Variants in SLC35F3 observed in about 807,000 individuals in gnomAD.
SLC35F3 encodes the protein putative thiamine transporter SLC35F3.
Under a neutral mutation model 49.9 loss-of-function variants are expected in SLC35F3, and 25 were observed. That is an observed-to-expected ratio of 0.50 (90% CI 0.37 to 0.70). The LOEUF is 0.70. Among genes scored for constraint, SLC35F3 ranks in the 30% least tolerant of loss-of-function variants. The pLI is 0.00. For missense variants in SLC35F3, 525 were observed against 639.8 expected (o/e 0.82, Z 1.94); for synonymous variants, 275 against 265.4 (o/e 1.04, Z -0.35).
intron 2 of SLC35F3, among the ~76,000 whole-genome samples, chr1:234,037,623 A>G (rs963087318): frequency 1.3e-5 from 2 of 152,252 alleles, no homozygotes; most frequent in Non-Finnish European, 2.9e-5. Context: ...TCAGGTAGGT[A>G]TGGAAGAAAA....
Position 234,214,087 on chromosome 1 carries a change from G to A in SLC35F3, c.284-17330G>A, listed in dbSNP as rs913255493. ...TAAAGGGCTTCTCAGAGAGGTGGTG[G>A]CCAGAGGCTGCAGTCAGGACCTGGC... On this transcript the variant is annotated intron_variant, in intron 2 of 7. Transcript: ENST00000366618. The surrounding 1 kb of genome is among the most constrained non-coding windows in gnomAD (Gnocchi z 8.0). 2 of 780,968 alleles carry A rather than the reference G, an allele frequency of 2.6e-6. No homozygotes were observed. Among genetic ancestry groups the A allele is most frequent in the Non-Finnish European group, 3.1e-6 (2 of 637,500 alleles). 48.4% of individuals were successfully genotyped at this position (780,968 alleles called of 1,614,324 possible).
At chr1:234,139,979 TAA>T (rs1259718345) in intron 2 of SLC35F3, among the ~76,000 whole-genome samples, 1 of 133,496 alleles carries the variant, frequency 7.5e-6, no homozygotes. Context: ...TAAAATAAAA[TAA>T]AATAAAATAA....
At position 234,066,830 on chromosome 1, in the gene SLC35F3, CCACACACACACACACA is replaced by C. The variant is rs61401819; in HGVS notation, c.283+161103_283+161118del. Among the ~76,000 whole-genome samples the C allele has an allele frequency of 1.4e-3, 184 of 135,204 alleles. 1 individual carries two copies. Among genetic ancestry groups the C allele is most frequent in the Non-Finnish European group, 2.0e-3 (128 of 63,800 alleles). 88.7% of individuals were successfully genotyped at this position (135,204 alleles called of 152,430 possible). ...CTCTCTGTCTCTGTCCCTCTCTCTC[CCACACACACACACACA>C]CACACACACACACACACACACACAC... On this transcript the variant is annotated intron_variant, in intron 2 of 7. Coordinates refer to ENST00000366618, the MANE Select transcript of SLC35F3 (RefSeq NM_173508.4).
chr1:234,074,524 A>G (rs557008085), intron 2 of SLC35F3, among the ~76,000 whole-genome samples: 1 of 152,384 alleles, frequency 6.6e-6, no homozygotes, highest in East Asian at 1.9e-4. Flanking sequence ...GTAGGTGGAA[A>G]GATGAAGTGG....
chr1:234,099,010 G>A (rs376137608), intron 2 of SLC35F3, among the ~76,000 whole-genome samples: 1 of 152,106 alleles, frequency 6.6e-6, no homozygotes, highest in Non-Finnish European at 1.5e-5. Context: ...TGCAGATGGT[G>A]GTGGTAGTGA....
chr1:234,049,339 GCTCT>G (rs948078314), intron 2 of SLC35F3, among the ~76,000 whole-genome samples: 17 of 151,838 alleles, frequency 1.1e-4, no homozygotes, highest in African/African-American at 3.9e-4. Flanking sequence ...GCTCACTCTT[GCTCT>G]CTCTCTATCT....
intron 3 of SLC35F3, among the ~76,000 whole-genome samples, chr1:234,243,559 C>T (rs1667587768): frequency 6.6e-6 from 1 of 152,170 alleles, no homozygotes; most frequent in African/African-American, 2.4e-5. Context: ...CACATGTAAA[C>T]GTGCATTTTG....
rs184100813 is a variant in SLC35F3, at chr1:234,285,557, T to G, written c.609-23544T>G. 86 of 312,394 alleles carry G rather than the reference T, an allele frequency of 2.8e-4. 1 individual carries two copies. Among genetic ancestry groups the G allele is most frequent in the African/African-American group, 1.8e-3 (81 of 44,996 alleles). The allele number at this position is 312,394 out of a possible 1,614,324, so 19.4% of individuals were successfully genotyped here. Reference sequence around the variant, plus strand: ...AGGCTGATGAATATGATCTAAGAGTTGTCCAGCTACAGACACAGATGCCAG... The same window carrying G: ...AGGCTGATGAATATGATCTAAGAGTGGTCCAGCTACAGACACAGATGCCAG... On this transcript the variant is annotated intron_variant, in intron 3 of 7. Coordinates refer to ENST00000366618, the MANE Select transcript of SLC35F3 (RefSeq NM_173508.4).
rs1558231478 is a variant in SLC35F3, at chr1:234,108,421, T to TGA, written c.284-122996_284-122995insGA. Among the ~76,000 whole-genome samples, 8 of 96,968 alleles carry TGA rather than the reference T, an allele frequency of 8.3e-5. No individual in the cohort carries two copies. The East Asian group carries it at 2.7e-3, about 32-fold the overall frequency. The allele number at this position is 96,968 out of a possible 152,430, so 63.6% of individuals were successfully genotyped here. ...TATTTATATATATGATATATATTAT[T>TGA]TATATATAAAAGATATATATAAAAG... On this transcript the variant is annotated intron_variant, in intron 2 of 7. Coordinates refer to ENST00000366618, the MANE Select transcript of SLC35F3 (RefSeq NM_173508.4).
At position 234,260,320 on chromosome 1, in the gene SLC35F3, C is replaced by T. The variant is rs188507496; in HGVS notation, c.608+28579C>T. ...ATGGACCCAAAAGCAAAAATATGCC[C>T]TTCTCTTCTACTTCATTATGTTCTC... On this transcript the variant is annotated intron_variant, in intron 3 of 7. Coordinates refer to ENST00000366618, the MANE Select transcript of SLC35F3 (RefSeq NM_173508.4). Among the ~76,000 whole-genome samples the T allele has an allele frequency of 8.5e-5, 13 of 152,222 alleles. No homozygotes were observed. In the East Asian group the frequency reaches 2.3e-3, roughly 27 times the overall value.
chr1:234,074,578 C>T (rs1436990306), intron 2 of SLC35F3, among the ~76,000 whole-genome samples: 5 of 152,112 alleles, frequency 3.3e-5, no homozygotes, highest in Non-Finnish European at 5.9e-5. Context: ...CCCCAGGGGG[C>T]CCAGTCAGAA....
intron 2 of SLC35F3, among the ~76,000 whole-genome samples, chr1:233,978,249 G>A (rs779099818): frequency 7.9e-5 from 12 of 152,168 alleles, no homozygotes; most frequent in Admixed American, 2.6e-4. Context: ...CCAGCACACC[G>A]CGCTGTTTTT....
chr1:234,284,706 C>G (rs1473488688), intron 3 of SLC35F3, among the ~76,000 whole-genome samples: 1 of 152,146 alleles, frequency 6.6e-6, no homozygotes, highest in Non-Finnish European at 1.5e-5. Context: ...AATGCCTGGC[C>G]CTTCCAAATG....
At chr1:234,188,388 T>A (rs1666679546) in intron 2 of SLC35F3, among the ~76,000 whole-genome samples, 1 of 152,166 alleles carries the variant, frequency 6.6e-6, no homozygotes, top group African/African-American at 2.4e-5. Flanking sequence ...ACTGGCCTTT[T>A]GGGTTGTGCG....
intron 2 of SLC35F3, among the ~76,000 whole-genome samples, chr1:234,075,440 ATG>A (rs1229296859): frequency 6.6e-6 from 1 of 152,224 alleles, no homozygotes; most frequent in East Asian, 1.9e-4. Context: ...GCAAAGAAAC[ATG>A]TCTTTAGTGC....
intron 2 of SLC35F3, among the ~76,000 whole-genome samples, chr1:234,100,702 T>C (rs996992629): frequency 6.6e-6 from 1 of 152,196 alleles, no homozygotes; most frequent in Non-Finnish European, 1.5e-5. Context: ...CTAAAAGGAA[T>C]AGAGGGACAG....
intron 2 of SLC35F3, among the ~76,000 whole-genome samples, chr1:233,950,539 C>A (rs1314861538): frequency 1.4e-5 from 2 of 147,418 alleles, no homozygotes; most frequent in Admixed American, 6.8e-5. Context: ...TCCTTCCTTC[C>A]CTCCTTCACT....
intron 3 of SLC35F3, among the ~76,000 whole-genome samples, chr1:234,261,547 CTT>C (rs1667905577): frequency 6.6e-6 from 1 of 152,168 alleles, no homozygotes; most frequent in Non-Finnish European, 1.5e-5. Flanking sequence ...TCAGCTGTCA[CTT>C]TTGTCACCAT....
At chr1:234,301,270 C>G (rs371225784) in intron 3 of SLC35F3, among the ~76,000 whole-genome samples, 8 of 152,242 alleles carry the variant, frequency 5.3e-5, no homozygotes, top group African/African-American at 1.9e-4. Context: ...CGGGCGTGTT[C>G]AGGGTGGTAT....
Sources: allele counts gnomAD v4.1 joint callset (sites outside exome capture counted in the v4.1 genomes callset), GRCh38; gene constraint gnomAD v4.1.1; non-coding constraint Gnocchi (gnomAD v3.1); transcripts MANE v1.5; gene names NCBI Gene and HGNC (gene_info 2026-07-23, HGNC 2026-07-21).